XIRP2: variants seen among roughly 807,000 people sequenced by gnomAD.
The protein encoded by XIRP2 is xin actin binding repeat containing 2.
XIRP2 carries 236 observed loss-of-function variants against 277.0 expected under a neutral mutation model. The observed-to-expected ratio is 0.85, with a 90% CI of 0.77 to 0.95. The LOEUF is 0.95. XIRP2 is among the 40% of genes least tolerant of loss of function. The pLI is 0.00. For missense variants in XIRP2, 4,640 were observed against 4,157.5 expected (o/e 1.12, Z -3.19); for synonymous variants, 1,490 against 1,416.5 (o/e 1.05, Z -1.17).
At chr2:167,144,071 A>C (rs1167846920) in intron 3 of XIRP2, among the ~76,000 whole-genome samples, 1 of 152,072 alleles carries the variant, frequency 6.6e-6, no homozygotes, top group Admixed American at 6.5e-5. Context: ...TTTAACTTTT[A>C]AACCTAACTT....
At position 167,218,190 on chromosome 2, in the gene XIRP2, G is replaced by A. The variant is rs529704993; in HGVS notation, c.748G>A (p.Ala250Thr). Residue 250 changes from alanine (A) to threonine (T), a missense_variant, in exon 5 of 11, where the codon GCA becomes ACA. Ala to Thr is a moderately conservative substitution (Grantham distance 58). Coordinates refer to ENST00000409195, the MANE Select transcript of XIRP2 (RefSeq NM_152381.6). ...GATGATGGAAGAATCAGAAATGTGCGCAGTGCCTGGTGGTTTGGCCAAGGT... is the reference window on the plus strand; with the variant it reads ...GATGATGGAAGAATCAGAAATGTGCACAGTGCCTGGTGGTTTGGCCAAGGT... ...ANMMEESEMC[A>T]VPGGLAKVKK... 75 of 1,600,266 alleles carry A rather than the reference G, an allele frequency of 4.7e-5. No homozygotes were observed. The highest frequency in any genetic ancestry group is 7.0e-5 in the Admixed American group (4 of 57,310).
chr2:166,958,064 T>G (rs1470638550), intron 2 of XIRP2, among the ~76,000 whole-genome samples: 1 of 151,504 alleles, frequency 6.6e-6, no homozygotes. Flanking sequence ...AATCTAAGAG[T>G]GGTTTATATT....
At chr2:167,059,033 C>T (rs1433369048) in intron 2 of XIRP2, among the ~76,000 whole-genome samples, 2 of 146,510 alleles carry the variant, frequency 1.4e-5, no homozygotes, top group African/African-American at 2.5e-5. Flanking sequence ...AAATTCATCA[C>T]AAAAAAGAAA....
intron 5 of XIRP2, among the ~76,000 whole-genome samples, chr2:167,237,128 G>T (rs988362809): frequency 1.3e-5 from 2 of 152,010 alleles, no homozygotes; most frequent in African/African-American, 4.8e-5. Context: ...AGAAACTTAC[G>T]ACTTTAAACA....
chr2:167,003,228 G>GA (rs10714116), intron 2 of XIRP2, among the ~76,000 whole-genome samples: 70 of 150,274 alleles, frequency 4.7e-4, no homozygotes, highest in Admixed American at 1.7e-3. Flanking sequence ...GGCATAGGTA[G>GA]AAAAAAAAAG....
intron 2 of XIRP2, among the ~76,000 whole-genome samples, chr2:166,956,456 G>A (rs749822894): frequency 2.6e-5 from 4 of 151,846 alleles, no homozygotes; most frequent in Admixed American, 6.6e-5. Context: ...TATTGTCTGT[G>A]TGTGCATGTG....
At chr2:166,905,349 A>G (rs952478485) in intron 2 of XIRP2, among the ~76,000 whole-genome samples, 3 of 151,980 alleles carry the variant, frequency 2.0e-5, no homozygotes, top group Non-Finnish European at 2.9e-5. Context: ...AAAGTCGTCT[A>G]TATAAATGAT....
At chr2:166,978,573 G>A (rs1157699197) in intron 2 of XIRP2, among the ~76,000 whole-genome samples, 1 of 152,122 alleles carries the variant, frequency 6.6e-6, no homozygotes, top group Non-Finnish European at 1.5e-5. Context: ...TTTGTGTGAA[G>A]TCTTGCACAT....
intron 3 of XIRP2, among the ~76,000 whole-genome samples, chr2:167,183,663 T>C (rs1276133213): frequency 6.6e-6 from 1 of 152,184 alleles, no homozygotes; most frequent in Non-Finnish European, 1.5e-5. Flanking sequence ...TTATTTCTTA[T>C]ATTTTCTTAA....
chr2:166,938,048 C>T (rs1033123414), intron 2 of XIRP2, among the ~76,000 whole-genome samples: 2 of 152,074 alleles, frequency 1.3e-5, no homozygotes, highest in Admixed American at 1.3e-4. Flanking sequence ...AAAACCAGCT[C>T]CTGGATTCAT....
At chr2:166,950,379 A>G (rs576248169) in intron 2 of XIRP2, among the ~76,000 whole-genome samples, 1 of 152,048 alleles carries the variant, frequency 6.6e-6, no homozygotes, top group African/African-American at 2.4e-5. Context: ...AATTGTGGTG[A>G]GGTCTTGGGA....
intron 2 of XIRP2, among the ~76,000 whole-genome samples, chr2:166,962,974 T>C (rs1203159632): frequency 6.6e-6 from 1 of 151,626 alleles, no homozygotes; most frequent in Non-Finnish European, 1.5e-5. Context: ...TGGTTAACAA[T>C]AATATATAGT....
intron 2 of XIRP2, among the ~76,000 whole-genome samples, chr2:167,090,782 C>A (rs972943854): frequency 6.6e-6 from 1 of 152,014 alleles, no homozygotes; most frequent in African/African-American, 2.4e-5. Flanking sequence ...TCCATTCCTG[C>A]AAGAACCAAT....
intron 3 of XIRP2, among the ~76,000 whole-genome samples, chr2:167,202,534 C>G (rs769520783): frequency 6.6e-6 from 1 of 152,102 alleles, no homozygotes; most frequent in African/African-American, 2.4e-5. Flanking sequence ...ATCAGGTAGG[C>G]GGACATTTCT....
At chr2:167,144,169 G>A (rs1044618511) in intron 3 of XIRP2, among the ~76,000 whole-genome samples, 2 of 152,026 alleles carry the variant, frequency 1.3e-5, no homozygotes, top group African/African-American at 4.8e-5. Flanking sequence ...TAATATATGT[G>A]AAAACACAGA....
At chr2:167,088,903 A>G (rs562282112) in intron 2 of XIRP2, among the ~76,000 whole-genome samples, 2 of 152,328 alleles carry the variant, frequency 1.3e-5, no homozygotes, top group South Asian at 2.1e-4. Flanking sequence ...CATGAATCTA[A>G]ATACAATTTC....
chr2:167,210,672 G>A lies in XIRP2; in HGVS notation c.563-63G>A. The A allele has an allele frequency of 2.5e-6, 4 of 1,579,364 alleles. No homozygotes were observed. The Admixed American group carries it at 5.2e-5, about 21-fold the overall frequency. On this transcript the variant is annotated intron_variant, in intron 3 of 10. Transcript: ENST00000409195. ...ATTTTAAATGCTTCACCATTTATAA[G>A]GTGATGCTGTTTTCTTCTTAAAGCT...
At chr2:166,954,672 T>A (rs572885900) in intron 2 of XIRP2, among the ~76,000 whole-genome samples, 33 of 152,058 alleles carry the variant, frequency 2.2e-4, no homozygotes, top group Admixed American at 1.3e-3. Context: ...TTAACCCAAA[T>A]GCCCATCAGT....
chr2:167,012,311 G>A (rs927335708), intron 2 of XIRP2, among the ~76,000 whole-genome samples: 3 of 151,582 alleles, frequency 2.0e-5, no homozygotes, highest in Non-Finnish European at 3.0e-5. Context: ...CCTTCACTTC[G>A]TTATGTACCC....
Sources: allele counts gnomAD v4.1 joint callset (sites outside exome capture counted in the v4.1 genomes callset), GRCh38; gene constraint gnomAD v4.1.1; transcripts MANE v1.5; gene names NCBI Gene and HGNC (gene_info 2026-07-23, HGNC 2026-07-21).